CLIC5: variants seen among roughly 807,000 people sequenced by gnomAD.
CLIC5 encodes chloride intracellular channel protein 5.
A neutral mutation model predicts 24.7 loss-of-function variants in CLIC5; 20 were observed. The observed-to-expected ratio is 0.81, with a 90% CI of 0.57 to 1.18. The LOEUF is 1.18. Among genes scored for constraint, CLIC5 ranks in the 50% most tolerant of loss-of-function variants. The pLI is 0.00. For synonymous variants in CLIC5, 159 were observed against 135.6 expected (o/e 1.17, Z -1.20); for missense variants, 341 against 326.1 (o/e 1.05, Z -0.35).
At chr6:46,126,998 C>G in the CLIC5 span, among the ~76,000 whole-genome samples, 1 of 152,134 alleles carries the variant, frequency 6.6e-6, no homozygotes, top group African/African-American at 2.4e-5. Context: ...CAGTCTTGAG[C>G]GTAGTTCATG....
chr6:45,884,993 T>TC (rs1264923523), intron 6 of CLIC5, among the ~76,000 whole-genome samples: 1 of 150,852 alleles, frequency 6.6e-6, no homozygotes, highest in East Asian at 1.9e-4. Flanking sequence ...CACAACTTTT[T>TC]CATCAAGGGC....
At chr6:46,121,191 G>A in the CLIC5 span, among the ~76,000 whole-genome samples, 1 of 152,124 alleles carries the variant, frequency 6.6e-6, no homozygotes, top group African/African-American at 2.4e-5. Context: ...GAAAGGTCGG[G>A]TTACTCACAA....
chr6:45,976,546 T>G (rs904852614), intron 1 of CLIC5, among the ~76,000 whole-genome samples: 4 of 152,248 alleles, frequency 2.6e-5, no homozygotes, highest in African/African-American at 9.6e-5. Flanking sequence ...TAATAAAGGT[T>G]GGTGCAAACG....
chr6:46,120,281 C>T, the CLIC5 span, among the ~76,000 whole-genome samples: 4 of 152,192 alleles, frequency 2.6e-5, no homozygotes, highest in Middle Eastern at 6.3e-3. Flanking sequence ...CAGCAATATT[C>T]GCTGTTCTGC....
intron 1 of CLIC5, among the ~76,000 whole-genome samples, chr6:45,973,463 T>C (rs139983396): frequency 9.0e-4 from 137 of 152,350 alleles, no homozygotes; most frequent in African/African-American, 3.0e-3. Context: ...AGGGTTTCTA[T>C]TTGTATGACA....
At chr6:46,028,800 G>A (rs977314146) in intron 1 of CLIC5, among the ~76,000 whole-genome samples, 3 of 152,086 alleles carry the variant, frequency 2.0e-5, no homozygotes, top group Admixed American at 6.6e-5. Flanking sequence ...ACCTACATAG[G>A]CACATCATAG....
chr6:46,093,821 T>C, the CLIC5 span, among the ~76,000 whole-genome samples: 4 of 152,206 alleles, frequency 2.6e-5, no homozygotes, highest in Non-Finnish European at 4.4e-5. Flanking sequence ...CACAAAAAGA[T>C]TTGTACAAGA....
upstream of CLIC5, among the ~76,000 whole-genome samples, chr6:46,083,560 T>G (rs910216578): frequency 4.9e-4 from 75 of 152,212 alleles, no homozygotes; most frequent in African/African-American, 1.6e-3. Context: ...AGCAGGTTGT[T>G]CAGTTTCCAT....
chr6:45,888,137 G>T (rs1213974402), intron 6 of CLIC5, among the ~76,000 whole-genome samples: 1 of 152,198 alleles, frequency 6.6e-6, no homozygotes, highest in Non-Finnish European at 1.5e-5. Flanking sequence ...TTCACAGCCT[G>T]CCCCTTCCCT....
chr6:45,930,694 G>C (rs1420813656), intron 4 of CLIC5, among the ~76,000 whole-genome samples: 1 of 152,160 alleles, frequency 6.6e-6, no homozygotes, highest in Non-Finnish European at 1.5e-5. Context: ...GTATGGAGGC[G>C]GGGGGAGCAC....
intron 1 of CLIC5, among the ~76,000 whole-genome samples, chr6:45,964,210 T>C (rs554828301): frequency 8.5e-5 from 13 of 152,280 alleles, no homozygotes; most frequent in African/African-American, 3.1e-4. Context: ...CAGATTTCAG[T>C]CCTCAGCTTC....
chr6:46,058,204 AT>A (rs1490166865), intron 1 of CLIC5, among the ~76,000 whole-genome samples: 3 of 152,170 alleles, frequency 2.0e-5, no homozygotes, highest in Non-Finnish European at 4.4e-5. Flanking sequence ...GCAGACATGA[AT>A]TTTAACTACC....
At chr6:46,084,151 T>G (rs1401430738), upstream of CLIC5, among the ~76,000 whole-genome samples, 1 of 152,184 alleles carries the variant, frequency 6.6e-6, no homozygotes, top group Non-Finnish European at 1.5e-5. Flanking sequence ...CATCCTTTTA[T>G]TTTGAGCCTA....
At chr6:45,964,042 A>G (rs1190623167) in intron 1 of CLIC5, among the ~76,000 whole-genome samples, 2 of 152,148 alleles carry the variant, frequency 1.3e-5, no homozygotes, top group East Asian at 3.8e-4. Context: ...GATTCCACCA[A>G]TCTTGGGAAG....
At chr6:46,117,745 G>A in the CLIC5 span, among the ~76,000 whole-genome samples, 1 of 152,142 alleles carries the variant, frequency 6.6e-6, no homozygotes, top group Non-Finnish European at 1.5e-5. Flanking sequence ...CCAGAGGTGA[G>A]CCACTTTAGC....
chr6:45,988,874 C>T (rs753416156), intron 1 of CLIC5, among the ~76,000 whole-genome samples: 3 of 152,148 alleles, frequency 2.0e-5, no homozygotes, highest in Non-Finnish European at 4.4e-5. Context: ...CTGGCAGGCT[C>T]AGTGCAGCTG....
In CLIC5 at chr6:45,920,237, G is replaced by A. The variant is rs892187860; in HGVS notation, c.407-5828C>T. 5.1e-6 allele frequency: 5 copies of A among 983,880 alleles called. No homozygotes were observed. The Admixed American group carries it at 1.8e-4, about 36-fold the overall frequency. 60.9% of individuals were successfully genotyped at this position (983,880 alleles called of 1,614,324 possible). ...GAGGTCAAGAAGGAGTTTTCTCTGA[G>A]TAGAGGGGCAACCATGACCCATCAC... On this transcript the variant is annotated intron_variant, in intron 4 of 5. Coordinates refer to ENST00000339561, the MANE Select transcript of CLIC5 (RefSeq NM_016929.5).
At position 46,006,127 on chromosome 6, in the gene CLIC5, CATATATATATATAT is replaced by C. The variant is rs58643121; in HGVS notation, c.63+9339_63+9352del. 6.5e-4 allele frequency among the ~76,000 whole-genome samples: 23 copies of C among 35,144 alleles called. 1 individual carries two copies. Among genetic ancestry groups the C allele is most frequent in the East Asian group, 3.1e-3 (2 of 654 alleles). 23.1% of individuals were successfully genotyped at this position (35,144 alleles called of 152,430 possible). A position where few individuals can be genotyped will look rare whatever the true frequency, so the allele number is the denominator to read the frequency against. On this transcript the variant is annotated intron_variant, in intron 1 of 5. Coordinates refer to ENST00000339561, the MANE Select transcript of CLIC5 (RefSeq NM_016929.5). ...ATATATATATACACATGTATAAATACATATATATATATATATATATATATATATATATATTTAGA... is the reference window on the plus strand; with the variant it reads ...ATATATATATACACATGTATAAATACATATATATATATATATATATTTAGA...
chr6:45,920,100 C>T (rs887351305), intron 4 of CLIC5: 41 of 895,318 alleles, frequency 4.6e-5, no homozygotes, highest in Non-Finnish European at 5.5e-5. Context: ...GGATGGGGTT[C>T]CCCTCATGAC....
Sources: gnomAD v4.1 joint callset for allele counts (sites outside exome capture counted in the v4.1 genomes callset) on GRCh38, gnomAD v4.1.1 for gene constraint, MANE v1.5 for transcripts, NCBI Gene and HGNC (gene_info 2026-07-23, HGNC 2026-07-21) for gene names.